Variants in POLR3B observed in about 807,000 individuals in gnomAD.
The protein encoded by POLR3B is DNA-directed RNA polymerase III subunit RPC2.
Under a neutral mutation model 147.4 loss-of-function variants are expected in POLR3B, and 96 were observed. That is an observed-to-expected ratio of 0.65 (90% CI 0.55 to 0.77). POLR3B has a LOEUF of 0.77. Among genes scored for constraint, POLR3B ranks in the 30% least tolerant of loss-of-function variants. The pLI is 0.00. For missense variants in POLR3B, 1,036 were observed against 1,413.5 expected (o/e 0.73, Z 4.28); for synonymous variants, 461 against 485.9 (o/e 0.95, Z 0.67).
intron 21 of POLR3B, among the ~76,000 whole-genome samples, chr12:106,459,025 ATGTGTG>A (rs113294680): frequency 3.3e-5 from 5 of 150,002 alleles, no homozygotes; most frequent in East Asian, 3.9e-4. Flanking sequence ...ATAGACTATG[ATGTGTG>A]TGTGTGTGTG....
intron 9 of POLR3B, among the ~76,000 whole-genome samples, chr12:106,391,569 A>G (rs775217106): frequency 1.1e-4 from 17 of 152,188 alleles, no homozygotes; most frequent in Admixed American, 3.9e-4. Context: ...ATCCAAATCA[A>G]ATTTTTAGAA....
intron 23 of POLR3B, among the ~76,000 whole-genome samples, chr12:106,482,113 C>T (rs935204741): frequency 2.0e-5 from 3 of 152,202 alleles, no homozygotes; most frequent in African/African-American, 7.2e-5. Flanking sequence ...TCTTCTGGAT[C>T]ATTGTTGTAA....
intron 13 of POLR3B, among the ~76,000 whole-genome samples, chr12:106,429,523 C>A (rs142124330): frequency 0.02 from 3,072 of 152,072 alleles, 102 homozygotes; most frequent in African/African-American, 0.067. Flanking sequence ...TAATCTTAAT[C>A]TTTATCCTTG....
intron 10 of POLR3B, among the ~76,000 whole-genome samples, chr12:106,404,932 G>T (rs2037129062): frequency 1.3e-5 from 2 of 152,132 alleles, no homozygotes; most frequent in African/African-American, 4.8e-5. Flanking sequence ...TAGGGGTCAA[G>T]ATTAATTTTT....
Position 106,504,243 on chromosome 12 carries a change from G to T in POLR3B, c.3261G>T (p.Gly1087=). 1 of 1,613,918 alleles carries T rather than the reference G, an allele frequency of 6.2e-7. No individual in the cohort carries two copies. The highest frequency in any genetic ancestry group is 8.5e-7 in the Non-Finnish European group (1 of 1,179,840). The change falls in exon 27 of 28, where the codon GGG becomes GGT. Residue 1087 remains glycine (G), a synonymous_variant. Coordinates refer to ENST00000228347, the MANE Select transcript of POLR3B (RefSeq NM_018082.6). The surrounding 1 kb of genome is among the most constrained non-coding windows in gnomAD (Gnocchi z 4.6). ...TCTGTGGGCAGTGTGGACTTCTGGGGTATTCTGGCTGGTAAGTGGATACCA... is the reference window on the plus strand; with the variant it reads ...TCTGTGGGCAGTGTGGACTTCTGGGTTATTCTGGCTGGTAAGTGGATACCA... The part of the protein sequence containing the change: ...VDVCGQCGLL[G]YSGWCHYCKS...
chr12:106,499,063 T>C (rs2038551748), intron 25 of POLR3B, among the ~76,000 whole-genome samples: 1 of 152,226 alleles, frequency 6.6e-6, no homozygotes, highest in Non-Finnish European at 1.5e-5. Flanking sequence ...AATATGGATT[T>C]CTTAGGTGTA....
intron 11 of POLR3B, among the ~76,000 whole-genome samples, chr12:106,406,806 A>G (rs2037157869): frequency 6.6e-6 from 1 of 152,222 alleles, no homozygotes; most frequent in South Asian, 2.1e-4. Context: ...TTTAATGTAT[A>G]TGCTACTCTT....
chr12:106,374,427 G>A (rs1283864044), intron 6 of POLR3B, among the ~76,000 whole-genome samples: 2 of 151,866 alleles, frequency 1.3e-5, no homozygotes, highest in South Asian at 2.1e-4. Context: ...TGTTGCCCCC[G>A]CTGGTCTCGA....
chr12:106,434,242 G>A (rs2037547620), intron 16 of POLR3B, among the ~76,000 whole-genome samples: 1 of 152,178 alleles, frequency 6.6e-6, no homozygotes, highest in African/African-American at 2.4e-5. Flanking sequence ...TTTAAGAAAT[G>A]AGGAAACTGA....
intron 18 of POLR3B, among the ~76,000 whole-genome samples, chr12:106,441,091 AT>A: frequency 6.6e-6 from 1 of 151,934 alleles, no homozygotes. Flanking sequence ...ACTATTCTAG[AT>A]TTTTTTTCTG....
rs1193175517 is a variant in POLR3B, at chr12:106,430,443, G to T, written c.1434G>T (p.Met478Ile). ...CCCTCCAGCCATCTCAGTGGGGAAT[G>T]CTGTGTCCTTCGGACACTCCTGAAG... ...PRSLQPSQWG[M>I]LCPSDTPEGE... is the part of the protein sequence containing the mutation. The change falls in exon 14 of 28, where the codon ATG (methionine) becomes ATT (isoleucine). Residue 478 changes from methionine to isoleucine, a missense_variant. Physicochemically the swap from Met to Ile is conservative, Grantham distance 10. Around this residue, in one of 12 missense-constraint regions of POLR3B, gnomAD observed 177 missense variants for 232.7 expected, o/e 0.76. Transcript: ENST00000228347. 6.2e-7 allele frequency: 1 copy of T among 1,613,198 alleles called. No homozygotes were observed. The highest frequency in any genetic ancestry group is 8.5e-7 in the Non-Finnish European group (1 of 1,179,842).
intron 9 of POLR3B, among the ~76,000 whole-genome samples, chr12:106,389,389 T>TA (rs2036884256): frequency 6.6e-6 from 1 of 152,230 alleles, no homozygotes; most frequent in South Asian, 2.1e-4. Flanking sequence ...CTTTGCTTCA[T>TA]AGCTTAGAAA....
chr12:106,397,439 T>C (rs1279943313), intron 10 of POLR3B, among the ~76,000 whole-genome samples: 7 of 152,178 alleles, frequency 4.6e-5, no homozygotes, highest in Non-Finnish European at 1.0e-4. Flanking sequence ...CTGATTTTTT[T>C]CCCCACTATT....
chr12:106,508,576 G>T (rs1006893997), intron 27 of POLR3B, among the ~76,000 whole-genome samples: 1 of 152,194 alleles, frequency 6.6e-6, no homozygotes, highest in East Asian at 1.9e-4. Context: ...AAACCTGAAA[G>T]AATAATTCAC....
At position 106,461,608 on chromosome 12, in the gene POLR3B, T is replaced by C. The variant is rs1375705140; in HGVS notation, c.2571-1870T>C. 2.6e-5 allele frequency among the ~76,000 whole-genome samples: 4 copies of C among 152,192 alleles called. No individual in the cohort carries two copies. The East Asian group carries it at 7.7e-4, about 29-fold the overall frequency. Reference sequence around the variant, plus strand: ...TTGCAGACTGGGACTTTGTTTCTTTTTCACCTTGTACCCCCTAGTCTCTGG... The same window carrying C: ...TTGCAGACTGGGACTTTGTTTCTTTCTCACCTTGTACCCCCTAGTCTCTGG... On this transcript the variant is annotated intron_variant, in intron 22 of 27. Coordinates refer to ENST00000228347, the MANE Select transcript of POLR3B (RefSeq NM_018082.6).
At chr12:106,402,600 C>T (rs1412263211) in intron 10 of POLR3B, among the ~76,000 whole-genome samples, 3 of 152,110 alleles carry the variant, frequency 2.0e-5, no homozygotes, top group Non-Finnish European at 2.9e-5. Flanking sequence ...GGTACTGGTA[C>T]CAAAACAGAA....
intron 18 of POLR3B, among the ~76,000 whole-genome samples, chr12:106,442,829 T>C (rs1301392967): frequency 6.6e-6 from 1 of 152,182 alleles, no homozygotes; most frequent in East Asian, 1.9e-4. Context: ...GGATGACACA[T>C]CTGGTACTTT....
At chr12:106,461,537 A>G (rs2037935243) in intron 22 of POLR3B, among the ~76,000 whole-genome samples, 1 of 152,214 alleles carries the variant, frequency 6.6e-6, no homozygotes, top group Admixed American at 6.5e-5. Context: ...AAACCCATGT[A>G]TAGTCGAACT....
rs188472811 is a variant in POLR3B, at chr12:106,494,294, C to T, written c.2714-1761C>T. 1.1e-3 allele frequency among the ~76,000 whole-genome samples: 161 copies of T among 152,288 alleles called. 4 individuals carry two copies. In the East Asian group the frequency reaches 0.017, roughly 16 times the overall value. On this transcript the variant is annotated intron_variant, in intron 23 of 27. Transcript: ENST00000228347. ...ATGCTTCCTTGGTCAGTTTCTGCAC[C>T]TCCTGCCCCTCTCTCCCACCTTCTC...
Sources: gnomAD v4.1 joint callset for allele counts (sites outside exome capture counted in the v4.1 genomes callset) on GRCh38, gnomAD v4.1.1 for gene constraint, gnomAD v4.1.1 regional missense constraint, Gnocchi (gnomAD v3.1) non-coding constraint, MANE v1.5 for transcripts, NCBI Gene and HGNC (gene_info 2026-07-23, HGNC 2026-07-21) for gene names.